DIMT1: variants seen among roughly 807,000 people sequenced by gnomAD.
The protein encoded by DIMT1 is DIM1 rRNA methyltransferase and ribosome maturation factor.
Under a neutral mutation model 43.2 loss-of-function variants are expected in DIMT1, and 36 were observed. The ratio of observed to expected loss-of-function variants is 0.83; its 90% CI spans 0.64 to 1.10. DIMT1 has a LOEUF of 1.10. DIMT1 is among the 50% of genes least tolerant of loss of function. DIMT1 has a pLI of 0.00. For missense variants in DIMT1, 341 were observed against 385.3 expected (o/e 0.88, Z 0.96); for synonymous variants, 126 against 130.3 (o/e 0.97, Z 0.22).
intron 3 of DIMT1, among the ~76,000 whole-genome samples, chr5:62,399,807 G>A (rs1303829728): frequency 6.6e-6 from 1 of 152,118 alleles, no homozygotes; most frequent in Non-Finnish European, 1.5e-5. Flanking sequence ...TCAGGAGGCT[G>A]AAGCAGGAGA....
intron 3 of DIMT1, among the ~76,000 whole-genome samples, chr5:62,399,440 T>C (rs2112051801): frequency 6.6e-6 from 1 of 150,710 alleles, no homozygotes; most frequent in South Asian, 2.1e-4. Context: ...CACTCCAGCT[T>C]GGGCAAGAGA....
chr5:62,393,065 G>T, intron 8 of DIMT1, 75 bp from the exon 9 acceptor site: 1 of 977,530 alleles, frequency 1.0e-6, no homozygotes, highest in East Asian at 2.5e-5. Flanking sequence ...GTATTATTTT[G>T]TCTTTTAATA....
chr5:62,398,502 G>C lies in DIMT1; in HGVS notation c.446+9C>G. The C allele has an allele frequency of 6.2e-7, 1 of 1,611,348 alleles. No individual in the cohort carries two copies. Among genetic ancestry groups the C allele is most frequent in the East Asian group, 2.2e-5 (1 of 44,766 alleles). ...AATTTGGCAGTAACTCTAGTCTTTT[G>C]TCACAAACCTGAAAAAAGGTCGATG... On this transcript the variant is annotated intron_variant, in intron 6 of 11. Coordinates refer to ENST00000199320, the MANE Select transcript of DIMT1 (RefSeq NM_014473.4).
chr5:62,389,405 G>A (rs1369231206), intron 11 of DIMT1, among the ~76,000 whole-genome samples: 1 of 150,050 alleles, frequency 6.7e-6, no homozygotes, highest in Non-Finnish European at 1.5e-5. Context: ...AGATTTGCCT[G>A]AACCCAGGAG....
In DIMT1 at chr5:62,387,788, A is replaced by AAAG. The variant is rs1742109036; in HGVS notation, c.*1219_*1221dup. 1 of 152,130 alleles carries AAAG rather than the reference A, an allele frequency of 6.6e-6. No homozygotes were observed. Among genetic ancestry groups the AAAG allele is most frequent in the East Asian group, 1.9e-4 (1 of 5,190 alleles). The allele number at this position is 152,130 out of a possible 1,614,324, so 9.4% of individuals were successfully genotyped here. A position where few individuals can be genotyped will look rare whatever the true frequency, so the allele number is the denominator to read the frequency against. ...TATATTATTTCATATTTGTTTAACA[A>AAAG]AAGCAGCTTGATGCCTTTGTTCTGG... On this transcript the variant is annotated 3_prime_UTR_variant, in exon 12 of 12. Transcript: ENST00000199320.
rs1308642908 is a variant in DIMT1, at chr5:62,392,221, G to C, written c.742C>G (p.Gln248Glu). Residue 248 changes from glutamine (Q) to glutamate (E), a missense_variant, in exon 10 of 12, where the codon CAA (glutamine) becomes GAA (glutamate). Gln to Glu is a conservative substitution (Grantham distance 29, BLOSUM62 2). Transcript: ENST00000199320. The part of the protein sequence containing the change: ...LSAAFKSSAV[Q>E]QLLEKNYRIH... ...CTGTAGTTTTTTTCCAAGAGTTGTT[G>C]CACTGCACTTGATCTATAGCATAAA... 6.2e-7 allele frequency: 1 copy of C among 1,613,320 alleles called. No homozygotes were observed. Among genetic ancestry groups the C allele is most frequent in the Admixed American group, 1.7e-5 (1 of 59,970 alleles).
At chr5:62,389,621 T>G (rs1742206779) in intron 11 of DIMT1, among the ~76,000 whole-genome samples, 1 of 152,178 alleles carries the variant, frequency 6.6e-6, no homozygotes, top group South Asian at 2.1e-4. Flanking sequence ...ATCTTAGACT[T>G]TCATTATCCC....
chr5:62,392,926 T>G lies in DIMT1; in HGVS notation c.728A>C (p.Lys243Thr). Reference protein sequence around the residue: ...RKNKTLSAAFKSSAVQQLLEK... With the variant: ...RKNKTLSAAFTSSAVQQLLEK... ...CATTAGAAATTAGTGTAATACTTAC[T>G]TAAATGCAGCAGAGAGTGTCTTGTT... is the stretch of plus-strand genomic sequence containing the variant. Residue 243 changes from lysine (K) to threonine (T), a missense_variant and splice_region_variant, in exon 9 of 12, where the codon AAA (lysine) becomes ACA (threonine). Lys to Thr is a moderately conservative substitution (Grantham distance 78). Coordinates refer to ENST00000199320, the MANE Select transcript of DIMT1 (RefSeq NM_014473.4). 6.2e-7 allele frequency: 1 copy of G among 1,604,600 alleles called. No individual in the cohort carries two copies. Among genetic ancestry groups the G allele is most frequent in the African/African-American group, 1.3e-5 (1 of 74,860 alleles).
intron 11 of DIMT1, 118 bp downstream of exon 11, chr5:62,390,758 G>A: frequency 1.3e-6 from 1 of 770,154 alleles, no homozygotes. Context: ...CCATGGAAGT[G>A]CTATGCAATA....
In DIMT1 at chr5:62,393,986, G is replaced by A; in HGVS notation, c.632C>T (p.Pro211Leu). The change falls in exon 8 of 12, where the codon CCT becomes CTT. Residue 211 changes from proline (P) to leucine (L), a missense_variant. Coordinates refer to ENST00000199320, the MANE Select transcript of DIMT1 (RefSeq NM_014473.4). Reference protein sequence around the residue: ...KVESSVVRIEPKNPPPPINFQ... With the variant: ...KVESSVVRIELKNPPPPINFQ... The stretch of plus-strand genomic sequence containing the variant: ...ATTGATGGGTGGTGGTGGATTCTTA[G>A]GTTCTATCCTTACAACACTGGATTC... 6.2e-7 allele frequency: 1 copy of A among 1,610,494 alleles called. No individual in the cohort carries two copies. The highest frequency in any genetic ancestry group is 8.5e-7 in the Non-Finnish European group (1 of 1,178,964).
intron 10 of DIMT1, chr5:62,391,683 C>A (rs1742309210): frequency 1.6e-6 from 2 of 1,245,212 alleles, no homozygotes; most frequent in African/African-American, 1.5e-5. Context: ...CACACTGTTA[C>A]ACAAATGATA....
At chr5:62,391,014 ACATAT>A in intron 10 of DIMT1, 32 bp from the exon 11 acceptor site, 2 of 1,577,804 alleles carry the variant, frequency 1.3e-6, no homozygotes, top group Non-Finnish European at 1.7e-6. Flanking sequence ...TAAATGAACG[ACATAT>A]CTTTAATGAG....
chr5:62,399,337 G>A (rs1742613804), intron 3 of DIMT1, among the ~76,000 whole-genome samples: 1 of 152,130 alleles, frequency 6.6e-6, no homozygotes. Context: ...ACAGTGATGG[G>A]CATCTGTAAT....
intron 6 of DIMT1, 106 bp from the exon 7 acceptor site, chr5:62,394,713 CTG>C (rs1742419004): frequency 6.0e-6 from 9 of 1,499,730 alleles, no homozygotes; most frequent in Non-Finnish European, 8.1e-6. Flanking sequence ...GCATTGGCAG[CTG>C]ATTATAAGGT....
chr5:62,400,699 C>G (rs1446776434), intron 3 of DIMT1, among the ~76,000 whole-genome samples: 2 of 149,950 alleles, frequency 1.3e-5, no homozygotes, highest in Non-Finnish European at 3.0e-5. Context: ...TCTATATAGA[C>G]CCTGTTTACA....
At chr5:62,396,572 T>C (rs1009880178) in intron 6 of DIMT1, among the ~76,000 whole-genome samples, 1 of 152,086 alleles carries the variant, frequency 6.6e-6, no homozygotes, top group African/African-American at 2.4e-5. Flanking sequence ...CCATTTCCCA[T>C]TGAAACTCTC....
chr5:62,398,961 C>A (rs945871218), intron 3 of DIMT1, 80 bp from the exon 4 acceptor site: 1 of 1,112,140 alleles, frequency 9.0e-7, no homozygotes, highest in Non-Finnish European at 1.3e-6. Flanking sequence ...GGAACTCTTA[C>A]ATGATTTATG....
Position 62,394,010 on chromosome 5 carries a change from TC to T in DIMT1, c.607del (p.Glu203AsnfsTer5). 2.5e-6 allele frequency: 4 copies of T among 1,612,442 alleles called. No homozygotes were observed. Among genetic ancestry groups the T allele is most frequent in the Non-Finnish European group, 3.4e-6 (4 of 1,179,596 alleles). ...KNNFRPPPKVESSVVRIEPKN... is the reference protein window; with the variant it reads ...KNNFRPPPKVXSSVVRIEPKN... ...AGGTTCTATCCTTACAACACTGGAT[TC>T]CACCTTGGGCGGTGGTCTGAAGTTA... On this transcript the variant is annotated frameshift_variant, in exon 8 of 12. Transcript: ENST00000199320. LOFTEE classifies it high-confidence loss of function.
intron 10 of DIMT1, 200 bp from the exon 11 acceptor site, chr5:62,391,182 C>T (rs1742295777): frequency 1.9e-6 from 1 of 526,840 alleles, no homozygotes; most frequent in African/African-American, 1.9e-5. Flanking sequence ...CTTGGAATAC[C>T]TTGAATTAGT....
Sources: gnomAD v4.1 joint callset for allele counts (sites outside exome capture counted in the v4.1 genomes callset) on GRCh38, gnomAD v4.1.1 for gene constraint, MANE v1.5 for transcripts, NCBI Gene and HGNC (gene_info 2026-07-23, HGNC 2026-07-21) for gene names.